CCDC126: variants seen among roughly 807,000 people sequenced by gnomAD.
CCDC126 encodes the protein coiled-coil domain-containing protein 126.
In CCDC126, 5 loss-of-function variants were observed where a neutral mutation model predicts 11.7. That is an observed-to-expected ratio of 0.43 (90% CI 0.22 to 0.90). The LOEUF (loss-of-function observed/expected upper bound fraction) is 0.90, where lower values mean the gene tolerates loss of function less well. CCDC126 is among the 40% of genes least tolerant of loss of function. The pLI, the probability that CCDC126 is intolerant of heterozygous loss-of-function variation, is 0.27. For missense variants in CCDC126, 150 were observed against 163.1 expected (o/e 0.92, Z 0.44); for synonymous variants, 60 against 61.9 (o/e 0.97, Z 0.14).
At chr7:23,636,778 G>A (rs1408710129) in intron 3 of CCDC126, among the ~76,000 whole-genome samples, 9 of 138,222 alleles carry the variant, frequency 6.5e-5, no homozygotes, top group Non-Finnish European at 1.3e-4. Flanking sequence ...GTGGGGGGGG[G>A]GTCAGCCCCC....
At chr7:23,621,169 C>A (rs1782889770) in intron 3 of CCDC126, among the ~76,000 whole-genome samples, 1 of 152,168 alleles carries the variant, frequency 6.6e-6, no homozygotes, top group South Asian at 2.1e-4. Flanking sequence ...TTACCTTGGC[C>A]AGTATGGCCA....
chr7:23,598,724 C>A (rs867850620), intron 2 of CCDC126, among the ~76,000 whole-genome samples: 7 of 152,308 alleles, frequency 4.6e-5, no homozygotes, highest in Middle Eastern at 3.4e-3. Flanking sequence ...AAATGTGTTG[C>A]AAAAATACTT....
intron 2 of CCDC126, chr7:23,604,130 G>A (rs1469247061): frequency 6.6e-6 from 1 of 152,146 alleles, no homozygotes; most frequent in Non-Finnish European, 1.5e-5. Flanking sequence ...ATGCTATTAT[G>A]TCATCTTTTA....
chr7:23,638,585 C>T (rs549017347), intron 3 of CCDC126, among the ~76,000 whole-genome samples: 55 of 124,944 alleles, frequency 4.4e-4, no homozygotes, highest in African/African-American at 1.8e-3. Context: ...CTGCGGAAGG[C>T]CGCAGGGTCC....
At chr7:23,613,119 T>G (rs1782743906) in intron 3 of CCDC126, among the ~76,000 whole-genome samples, 1 of 152,212 alleles carries the variant, frequency 6.6e-6, no homozygotes, top group Non-Finnish European at 1.5e-5. Flanking sequence ...GAGACCAGCC[T>G]GGGCAACATA....
Position 23,597,944 on chromosome 7 carries a change from ACTT to A in CCDC126, c.-230-19_-230-17del, listed in dbSNP as rs960633262. On this transcript the variant is annotated intron_variant, in intron 1 of 3. Transcript: ENST00000307471. ...GTAGATCCCGGGCGGCACCGCACTC[ACTT>A]CTTTTTCTGTTTTTGACAGCTCAGT... is the stretch of plus-strand genomic sequence containing the variant. 2 of 152,112 alleles carry A rather than the reference ACTT, an allele frequency of 1.3e-5. No individual in the cohort carries two copies. Among genetic ancestry groups the A allele is most frequent in the African/African-American group, 2.4e-5 (1 of 41,422 alleles). 9.4% of individuals were successfully genotyped at this position (152,112 alleles called of 1,614,324 possible). A position where few individuals can be genotyped will look rare whatever the true frequency, so the allele number is the denominator to read the frequency against.
At position 23,611,384 on chromosome 7, in the gene CCDC126, C is replaced by T. The variant is rs1402016039; in HGVS notation, c.69C>T (p.Leu23=). Residue 23 remains leucine (L), a synonymous_variant, in exon 3 of 4, where the codon CTC becomes CTT. Coordinates refer to ENST00000307471, the MANE Select transcript of CCDC126 (RefSeq NM_138771.4). ...KLSLLLLVFG[L]IWGLMLLHYT... ...GTTTACTGTTGCTTGTATTTGGACT[C>T]ATTTGGGGATTGATGTTACTGCACT... 4 of 1,613,820 alleles carry T rather than the reference C, an allele frequency of 2.5e-6. No homozygotes were observed. Among genetic ancestry groups the T allele is most frequent in the Non-Finnish European group, 3.4e-6 (4 of 1,179,872 alleles).
chr7:23,623,504 G>A (rs754185287), intron 3 of CCDC126, among the ~76,000 whole-genome samples: 3 of 151,732 alleles, frequency 2.0e-5, no homozygotes, highest in Non-Finnish European at 2.9e-5. Flanking sequence ...GCTGAGGCAG[G>A]AGAGTCACTT....
chr7:23,638,108 C>T (rs1283937474), intron 3 of CCDC126, among the ~76,000 whole-genome samples: 2 of 140,578 alleles, frequency 1.4e-5, no homozygotes, highest in Non-Finnish European at 3.1e-5. Context: ...GTCAGCCCCC[C>T]GCCCGGCCAG....
At chr7:23,600,491 T>C (rs1013998321) in intron 2 of CCDC126, among the ~76,000 whole-genome samples, 8 of 151,992 alleles carry the variant, frequency 5.3e-5, no homozygotes, top group Non-Finnish European at 1.0e-4. Flanking sequence ...GAGGACTTTT[T>C]TTTGGGTCGT....
chr7:23,643,045 A>T lies in CCDC126; in HGVS notation c.353A>T (p.Asn118Ile). ...AATGGCTCAGCAGCCAACACCACCA[A>T]TGGTACTAGTGGGAATTTGGTGCCA... ...VVNGSAANTT[N>I]GTSGNLVPVT... is the part of the protein sequence containing the mutation. The change falls in exon 4 of 4, where the codon AAT becomes ATT. Residue 118 changes from asparagine (N) to isoleucine (I), a missense_variant. Coordinates refer to ENST00000307471, the MANE Select transcript of CCDC126 (RefSeq NM_138771.4). 2 of 1,614,120 alleles carry T rather than the reference A, an allele frequency of 1.2e-6. No homozygotes were observed.
At chr7:23,618,907 T>C (rs1277743751) in intron 3 of CCDC126, among the ~76,000 whole-genome samples, 1 of 152,160 alleles carries the variant, frequency 6.6e-6, no homozygotes, top group Non-Finnish European at 1.5e-5. Flanking sequence ...AGATGATCTC[T>C]AATATCAGTA....
At chr7:23,624,868 G>A (rs1487108603) in intron 3 of CCDC126, among the ~76,000 whole-genome samples, 1 of 152,028 alleles carries the variant, frequency 6.6e-6, no homozygotes, top group African/African-American at 2.4e-5. Context: ...TTTGAGACAG[G>A]ATCTCATGCT....
At chr7:23,635,437 G>A (rs1016036257) in intron 3 of CCDC126, among the ~76,000 whole-genome samples, 14 of 152,198 alleles carry the variant, frequency 9.2e-5, no homozygotes, top group African/African-American at 3.1e-4. Flanking sequence ...ATTAATACAA[G>A]CATAGAATTC....
intron 3 of CCDC126, among the ~76,000 whole-genome samples, chr7:23,640,799 T>C (rs914223385): frequency 2.6e-5 from 4 of 152,296 alleles, no homozygotes; most frequent in East Asian, 3.9e-4. Flanking sequence ...TTCATCTGTG[T>C]TGTAGCATGT....
intron 3 of CCDC126, chr7:23,619,480 C>A (rs1554271091): frequency 2.6e-6 from 1 of 383,462 alleles, no homozygotes; most frequent in South Asian, 2.4e-5. Context: ...AGAAGTTCCC[C>A]AACACCCTTC....
At chr7:23,612,358 G>A (rs1283621622) in intron 3 of CCDC126, among the ~76,000 whole-genome samples, 2 of 151,120 alleles carry the variant, frequency 1.3e-5, no homozygotes, top group South Asian at 2.1e-4. Context: ...CCAGCTACTC[G>A]GGAGACTGAG....
chr7:23,642,233 C>T (rs1453352737), intron 3 of CCDC126, among the ~76,000 whole-genome samples: 1 of 151,974 alleles, frequency 6.6e-6, no homozygotes, highest in Non-Finnish European at 1.5e-5. Context: ...AGGATGGTCT[C>T]AATCTCCTGA....
chr7:23,613,180 G>A (rs572233934), intron 3 of CCDC126, among the ~76,000 whole-genome samples: 19 of 152,132 alleles, frequency 1.2e-4, no homozygotes, highest in East Asian at 3.9e-4. Flanking sequence ...GCGTGGTGGC[G>A]CGCACTTGTA....
Sources: gnomAD v4.1 joint callset for allele counts (sites outside exome capture counted in the v4.1 genomes callset) on GRCh38, gnomAD v4.1.1 for gene constraint, MANE v1.5 for transcripts, NCBI Gene and HGNC (gene_info 2026-07-23, HGNC 2026-07-21) for gene names.